The following SH3RF3 variants were observed in gnomAD, a reference collection of about 807,000 sequenced individuals.
SH3RF3 encodes SH3 domain containing ring finger 3.
SH3RF3 carries 29 observed loss-of-function variants against 66.3 expected under a neutral mutation model. That is an observed-to-expected ratio of 0.44 (90% CI 0.33 to 0.60). The LOEUF is 0.60. Among genes scored for constraint, SH3RF3 ranks in the 20% least tolerant of loss-of-function variants. SH3RF3 has a pLI of 0.04. For synonymous variants in SH3RF3, 583 were observed against 532.0 expected (o/e 1.10, Z -1.32); for missense variants, 1,194 against 1,190.9 (o/e 1.00, Z -0.04).
chr2:109,264,466 C>G (rs907756339), intron 1 of SH3RF3, among the ~76,000 whole-genome samples: 3 of 152,286 alleles, frequency 2.0e-5, no homozygotes, highest in Non-Finnish European at 4.4e-5. Flanking sequence ...ATCTACCTCC[C>G]TATATGTCCT....
chr2:109,266,401 C>T (rs1429555455), intron 1 of SH3RF3, among the ~76,000 whole-genome samples: 1 of 151,928 alleles, frequency 6.6e-6, no homozygotes, highest in Non-Finnish European at 1.5e-5. Context: ...CAGGAGTGTC[C>T]TCCGATACAA....
intron 1 of SH3RF3, among the ~76,000 whole-genome samples, chr2:109,300,738 C>T (rs912317481): frequency 9.2e-5 from 14 of 152,234 alleles, no homozygotes; most frequent in Non-Finnish European, 1.8e-4. Flanking sequence ...CTTCAGAGCC[C>T]ACCAGCTGGA....
chr2:109,210,626 TG>T (rs1360661259), intron 1 of SH3RF3, among the ~76,000 whole-genome samples: 1 of 152,094 alleles, frequency 6.6e-6, no homozygotes, highest in Admixed American at 6.5e-5. Context: ...TGCCTGGGCC[TG>T]GTGGGGCCTG....
intron 1 of SH3RF3, among the ~76,000 whole-genome samples, chr2:109,196,056 C>G (rs141562183): frequency 6.6e-6 from 1 of 152,222 alleles, no homozygotes; most frequent in Non-Finnish European, 1.5e-5. Context: ...CAGGTGATGT[C>G]GAAGGGCTCC....
chr2:109,394,914 G>C (rs1039133037), intron 3 of SH3RF3, among the ~76,000 whole-genome samples: 1 of 152,236 alleles, frequency 6.6e-6, no homozygotes, highest in Non-Finnish European at 1.5e-5. Context: ...ATGGGTGCAC[G>C]GGAGCCGCCG....
intron 1 of SH3RF3, among the ~76,000 whole-genome samples, chr2:109,292,497 G>C (rs111455017): frequency 4.1e-3 from 624 of 152,312 alleles, no homozygotes; most frequent in Non-Finnish European, 7.2e-3. Flanking sequence ...TATTTCCCAT[G>C]ATTTCTGTAA....
chr2:109,147,691 C>A (rs1677132450), intron 1 of SH3RF3, among the ~76,000 whole-genome samples: 1 of 152,148 alleles, frequency 6.6e-6, no homozygotes. Flanking sequence ...TGTATAGTTT[C>A]CGGCTTCTGG....
intron 1 of SH3RF3, among the ~76,000 whole-genome samples, chr2:109,286,693 G>A (rs1389947853): frequency 1.3e-5 from 2 of 152,172 alleles, no homozygotes; most frequent in African/African-American, 4.8e-5. Context: ...TCATCTGCTA[G>A]CAAAACCTGC....
intron 1 of SH3RF3, among the ~76,000 whole-genome samples, chr2:109,237,902 T>C (rs938586850): frequency 6.6e-6 from 1 of 152,216 alleles, no homozygotes; most frequent in Non-Finnish European, 1.5e-5. Context: ...AAATAAGCTA[T>C]GGTATATAAA....
Position 109,382,291 on chromosome 2 carries a change from G to T in SH3RF3, c.945+10610G>T, listed in dbSNP as rs1276535796. On this transcript the variant is annotated intron_variant, in intron 3 of 9. Coordinates refer to ENST00000309415, the MANE Select transcript of SH3RF3 (RefSeq NM_001099289.3). ...AGTTGCTGAAGGGACATCTGTTTTG[G>T]TCTCAGATAACACAAGTCATTGGGA... Among the ~76,000 whole-genome samples, 6 of 152,236 alleles carry T rather than the reference G, an allele frequency of 3.9e-5. No homozygotes were observed. The East Asian group carries it at 7.8e-4, about 20-fold the overall frequency.
intron 1 of SH3RF3, among the ~76,000 whole-genome samples, chr2:109,282,026 T>A (rs1680905992): frequency 6.6e-6 from 1 of 151,988 alleles, no homozygotes; most frequent in African/African-American, 2.4e-5. Context: ...AGATGCTACA[T>A]CTCTGCTTGG....
chr2:109,317,589 ACAGT>A (rs1345288677), intron 1 of SH3RF3, among the ~76,000 whole-genome samples: 3 of 152,154 alleles, frequency 2.0e-5, no homozygotes, highest in African/African-American at 4.8e-5. Flanking sequence ...GAGGTACAGA[ACAGT>A]CAAAGTCCAC....
intron 8 of SH3RF3, among the ~76,000 whole-genome samples, chr2:109,458,017 G>T (rs1245505614): frequency 3.9e-5 from 6 of 152,144 alleles, no homozygotes; most frequent in African/African-American, 1.4e-4. Flanking sequence ...TATTTGTTGT[G>T]GTTTTATTTT....
chr2:109,465,869 C>T (rs1327789992), intron 8 of SH3RF3, among the ~76,000 whole-genome samples: 1 of 152,116 alleles, frequency 6.6e-6, no homozygotes, highest in Non-Finnish European at 1.5e-5. Context: ...ACCAAGGAGA[C>T]GGTGTTAAAC....
chr2:109,238,977 C>G lies in SH3RF3; in HGVS notation c.574-108697C>G, dbSNP rs1463258213. On this transcript the variant is annotated intron_variant, in intron 1 of 9. Coordinates refer to ENST00000309415, the MANE Select transcript of SH3RF3 (RefSeq NM_001099289.3). ...TCAGTTGGCTTTTCTGCCTCCAGTT[C>G]TTTCTGTTCATGAGAGGAAAAGCTA... Among the ~76,000 whole-genome samples the G allele has an allele frequency of 2.0e-5, 3 of 152,150 alleles. No homozygotes were observed. In the East Asian group the frequency reaches 5.8e-4, roughly 29 times the overall value.
chr2:109,301,651 C>G (rs1399587437), intron 1 of SH3RF3, among the ~76,000 whole-genome samples: 1 of 152,184 alleles, frequency 6.6e-6, no homozygotes, highest in Non-Finnish European at 1.5e-5. Flanking sequence ...GCCGAGACCA[C>G]TAGGCTCCTT....
At chr2:109,400,271 G>A (rs1324128515) in intron 4 of SH3RF3, among the ~76,000 whole-genome samples, 6 of 150,872 alleles carry the variant, frequency 4.0e-5, no homozygotes, top group South Asian at 2.1e-4. Context: ...ATGCCCGCCC[G>A]CACATATGCA....
At chr2:109,273,201 G>C (rs538701747) in intron 1 of SH3RF3, among the ~76,000 whole-genome samples, 1 of 152,340 alleles carries the variant, frequency 6.6e-6, no homozygotes, top group South Asian at 2.1e-4. Flanking sequence ...TCCTAGGCCT[G>C]TCCTGAGAAT....
chr2:109,353,209 G>A (rs534976095), intron 2 of SH3RF3, among the ~76,000 whole-genome samples: 40 of 152,320 alleles, frequency 2.6e-4, no homozygotes, highest in Admixed American at 5.9e-4. Context: ...TCTGGCCCCC[G>A]GCTCATTGCC....
Sources: gnomAD v4.1 joint callset for allele counts (sites outside exome capture counted in the v4.1 genomes callset) on GRCh38, gnomAD v4.1.1 for gene constraint, MANE v1.5 for transcripts, NCBI Gene and HGNC (gene_info 2026-07-23, HGNC 2026-07-21) for gene names.